The following URI1 variants were observed in gnomAD, a reference collection of about 807,000 sequenced individuals.
URI1 encodes the protein unconventional prefoldin RPB5 interactor 1.
URI1 carries 39 observed loss-of-function variants against 60.2 expected under a neutral mutation model. The observed-to-expected ratio is 0.65, with a 90% confidence interval of 0.50 to 0.85. URI1 has a LOEUF of 0.85. URI1 is among the 40% of genes least tolerant of loss of function. The probability of loss-of-function intolerance (pLI) is 0.00; values close to 1 mark genes in which losing one functional copy is unlikely to be tolerated. For synonymous variants in URI1, 251 were observed against 236.8 expected, an observed-to-expected ratio of 1.06 and a Z score of -0.55; for missense variants, 691 against 665.9, an observed-to-expected ratio of 1.04 and a Z score of -0.42.
intron 1 of URI1, among the ~76,000 whole-genome samples, chr19:29,932,571 C>T (rs994095309): frequency 6.6e-6 from 1 of 151,938 alleles, no homozygotes; most frequent in Non-Finnish European, 1.5e-5. Flanking sequence ...CCTGCCTCGG[C>T]CTCCCAAAGT....
At position 29,964,838 on chromosome 19, in the gene URI1, T is replaced by C. The variant is rs540196296; in HGVS notation, c.118-6355T>C. Among the ~76,000 whole-genome samples the C allele has an allele frequency of 2.0e-5, 3 of 151,530 alleles. No individual in the cohort carries two copies. The South Asian group carries it at 6.2e-4, about 32-fold the overall frequency. ...GCTTTAATTTGACTTTTTTGTTACC[T>C]GGGAGTATATTTTCCTGTTTTTTTT... On this transcript the variant is annotated intron_variant, in intron 1 of 10. Transcript: ENST00000392271.
At chr19:29,990,943 C>G (rs567643533) in intron 4 of URI1, among the ~76,000 whole-genome samples, 3 of 152,274 alleles carry the variant, frequency 2.0e-5, no homozygotes, top group Admixed American at 2.0e-4. Flanking sequence ...ACCATCTGTT[C>G]TGTTTCTTTA....
intron 4 of URI1, among the ~76,000 whole-genome samples, chr19:29,994,324 C>A (rs576858407): frequency 2.0e-4 from 30 of 151,926 alleles, no homozygotes; most frequent in African/African-American, 6.8e-4. Flanking sequence ...CCCTTCCCTT[C>A]CCCTCATTCA....
chr19:29,962,626 CTCT>C (rs1418640525), intron 1 of URI1, among the ~76,000 whole-genome samples: 3 of 149,728 alleles, frequency 2.0e-5, no homozygotes, highest in Admixed American at 6.6e-5. Context: ...TGTACCTTTA[CTCT>C]TCAATTCTTT....
intron 8 of URI1, among the ~76,000 whole-genome samples, chr19:30,009,768 T>C (rs1334593389): frequency 6.6e-6 from 1 of 152,208 alleles, no homozygotes; most frequent in African/African-American, 2.4e-5. Flanking sequence ...AATGAATACT[T>C]CATAGGCACA....
At chr19:29,948,014 A>G (rs183309900) in intron 1 of URI1, among the ~76,000 whole-genome samples, 74 of 152,336 alleles carry the variant, frequency 4.9e-4, no homozygotes, top group African/African-American at 1.6e-3. Flanking sequence ...TAGTTGTCCC[A>G]TCAGCATTTA....
intron 1 of URI1, among the ~76,000 whole-genome samples, chr19:29,946,207 C>G (rs931647331): frequency 6.6e-6 from 1 of 152,146 alleles, no homozygotes; most frequent in African/African-American, 2.4e-5. Context: ...AAAATGGAAG[C>G]TTAACCTGTC....
chr19:30,009,536 G>A (rs574200852), intron 8 of URI1, among the ~76,000 whole-genome samples, 183 bp downstream of exon 8: 1 of 152,212 alleles, frequency 6.6e-6, no homozygotes, highest in Non-Finnish European at 1.5e-5. Context: ...TTAGTTAGCT[G>A]GTATTGGTCC....
chr19:29,940,931 G>GA (rs2055016902), upstream of URI1, among the ~76,000 whole-genome samples: 1 of 152,224 alleles, frequency 6.6e-6, no homozygotes, highest in Non-Finnish European at 1.5e-5. Flanking sequence ...GGTGGTGGTA[G>GA]AAGAGATGGT....
intron 4 of URI1, among the ~76,000 whole-genome samples, chr19:29,993,433 TG>T (rs1262222584): frequency 1.3e-5 from 2 of 152,244 alleles, no homozygotes; most frequent in Non-Finnish European, 2.9e-5. Flanking sequence ...CCTTTAGTCT[TG>T]TTTAATGTTG....
intron 1 of URI1, 56 bp downstream of exon 1, chr19:29,942,720 T>C: frequency 3.0e-6 from 4 of 1,325,372 alleles, no homozygotes. Context: ...CCCCTGCCTG[T>C]GCTCTGGGCC....
chr19:30,015,252 A>T lies in URI1; in HGVS notation c.*183A>T. ...TCAAGGTAACTGTCTGAATACTTTA[A>T]TATCAGCTTGTTTTGTGAATTCTCT... On this transcript the variant is annotated 3_prime_UTR_variant, in exon 11 of 11. Coordinates refer to ENST00000392271, the MANE Select transcript of URI1 (RefSeq NM_003796.3). 7.1e-7 allele frequency: 1 copy of T among 1,414,248 alleles called. No homozygotes were observed. Among genetic ancestry groups the T allele is most frequent in the Non-Finnish European group, 9.2e-7 (1 of 1,088,980 alleles). 87.6% of individuals were successfully genotyped at this position (1,414,248 alleles called of 1,614,324 possible).
rs2145221081 is a variant in URI1 at position 29,942,376 on chromosome 19, C to T, written c.-172C>T. On this transcript the variant is annotated 5_prime_UTR_variant, in exon 1 of 11. An upstream open reading frame in the 5' UTR gains an earlier in-frame stop. Coordinates refer to ENST00000392271, the MANE Select transcript of URI1 (RefSeq NM_003796.3). ...GGGGACATGCACGTGTGAGATGCGG[C>T]AGCGGGCGGCGCGGACGCGAACAGC... is the stretch of plus-strand genomic sequence containing the variant. The T allele has an allele frequency of 1.0e-6, 1 of 984,110 alleles. No individual in the cohort carries two copies. The highest frequency in any genetic ancestry group is 1.2e-6 in the Non-Finnish European group (1 of 829,418). 61.0% of individuals were successfully genotyped at this position (984,110 alleles called of 1,614,324 possible). A position where few individuals can be genotyped will look rare whatever the true frequency, so the allele number is the denominator to read the frequency against.
chr19:29,983,010 A>G (rs1454174097), intron 2 of URI1, among the ~76,000 whole-genome samples: 1 of 152,234 alleles, frequency 6.6e-6, no homozygotes, highest in African/African-American at 2.4e-5. Flanking sequence ...CTTCAAAGCC[A>G]TGTTCTTTCT....
intron 8 of URI1, among the ~76,000 whole-genome samples, 167 bp downstream of exon 8, chr19:30,009,520 A>C (rs913863842): frequency 2.6e-5 from 4 of 152,154 alleles, no homozygotes; most frequent in South Asian, 2.1e-4. Flanking sequence ...AAAAGGGAAA[A>C]AAAATTTAGT....
intron 1 of URI1, among the ~76,000 whole-genome samples, chr19:29,970,115 A>G (rs1052453281): frequency 5.9e-5 from 9 of 151,488 alleles, no homozygotes; most frequent in Admixed American, 3.9e-4. Flanking sequence ...CAGGTCTAAA[A>G]AAAATCGTGT....
At chr19:30,009,748 A>G (rs963218693) in intron 8 of URI1, among the ~76,000 whole-genome samples, 1 of 152,214 alleles carries the variant, frequency 6.6e-6, no homozygotes, top group Non-Finnish European at 1.5e-5. Context: ...GTTGTTTTCT[A>G]TGGACATAAA....
intron 1 of URI1, among the ~76,000 whole-genome samples, chr19:29,966,091 T>TA (rs1250221309): frequency 1.3e-5 from 2 of 152,252 alleles, no homozygotes; most frequent in Non-Finnish European, 2.9e-5. Context: ...ATTTGGAACA[T>TA]AATTTGTTTA....
intron 4 of URI1, among the ~76,000 whole-genome samples, chr19:30,003,055 A>G (rs995053327): frequency 1.1e-4 from 17 of 152,028 alleles, no homozygotes; most frequent in African/African-American, 4.1e-4. Flanking sequence ...ATGTAATAGC[A>G]TGGTTTCTAA....
Sources: allele counts gnomAD v4.1 joint callset (sites outside exome capture counted in the v4.1 genomes callset), GRCh38; gene constraint gnomAD v4.1.1; transcripts MANE v1.5; gene names NCBI Gene and HGNC (gene_info 2026-07-23, HGNC 2026-07-21).